The following LTBP1 variants were observed in gnomAD, a reference collection of about 807,000 sequenced individuals.
LTBP1 encodes the protein latent transforming growth factor beta binding protein 1, also known as latent-transforming growth factor beta-binding protein 1.
Under a neutral mutation model 207.6 loss-of-function variants are expected in LTBP1, and 129 were observed. The observed-to-expected ratio is 0.62, with a 90% confidence interval of 0.54 to 0.72. The LOEUF (loss-of-function observed/expected upper bound fraction) is 0.72, where lower values mean the gene tolerates loss of function less well. Ranked by LOEUF, LTBP1 falls within the 30% of genes least tolerant of loss-of-function variation. The pLI is 0.00. For missense variants in LTBP1, 2,281 were observed against 2,217.2 expected (o/e 1.03, Z -0.58); for synonymous variants, 963 against 833.7 (o/e 1.16, Z -2.67).
intron 5 of LTBP1, 152 bp from the exon 6 acceptor site, chr2:33,186,704 A>G (rs979675996): frequency 9.6e-6 from 6 of 622,434 alleles, no homozygotes; most frequent in African/African-American, 5.5e-5. Flanking sequence ...TACTTTTGGC[A>G]TAGCGAGTTT....
chr2:33,093,286 C>T (rs562587880), intron 3 of LTBP1, among the ~76,000 whole-genome samples: 5 of 152,152 alleles, frequency 3.3e-5, no homozygotes, highest in African/African-American at 9.6e-5. Context: ...TAAATGCAAA[C>T]GTCTTTGGCT....
chr2:33,275,078 A>G lies in LTBP1; in HGVS notation c.2857A>G (p.Thr953Ala), dbSNP rs778732304. ...AGGATTTATGGCCAGTGAGGAGGGTACTAACTGCATAGGTAATGGCAGCAT... is the reference window on the plus strand; with the variant it reads ...AGGATTTATGGCCAGTGAGGAGGGTGCTAACTGCATAGGTAATGGCAGCAT... ...PAGFMASEEG[T>A]NCIDVDECLR... The change falls in exon 17 of 34, where the codon ACT (threonine) becomes GCT (alanine). Residue 953 changes from threonine (T) to alanine (A), a missense_variant. Physicochemically the swap from Thr to Ala is moderately conservative, Grantham distance 58. This residue lies in a region of LTBP1 where 1,671 missense variants were observed against 1,634.8 expected (regional missense o/e 1.02). Coordinates refer to ENST00000404816, the MANE Select transcript of LTBP1 (RefSeq NM_206943.4). 8 of 1,613,954 alleles carry G rather than the reference A, an allele frequency of 5.0e-6. No homozygotes were observed. In the South Asian group the frequency reaches 8.8e-5, roughly 18 times the overall value.
intron 15 of LTBP1, 121 bp from the exon 16 acceptor site, chr2:33,273,535 A>G (rs1234747955): frequency 1.4e-5 from 9 of 646,434 alleles, no homozygotes; most frequent in Non-Finnish European, 2.0e-5. Flanking sequence ...TTTGTCTTCT[A>G]AATGTAGAGC....
At chr2:33,181,648 A>G (rs4670857) in intron 5 of LTBP1, among the ~76,000 whole-genome samples, 78,877 of 152,146 alleles carry the variant, frequency 0.52, 20,675 homozygotes, top group African/African-American at 0.53. Flanking sequence ...CCAGCAAAGT[A>G]TCAAGCTAAC....
In LTBP1 at chr2:33,156,807, T is replaced by C. The variant is rs2147984882; in HGVS notation, c.1201+21847T>C. On this transcript the variant is annotated intron_variant, in intron 5 of 33. Coordinates refer to ENST00000404816, the MANE Select transcript of LTBP1 (RefSeq NM_206943.4). Reference sequence around the variant, plus strand: ...CTTGAGTATATTAAACATCAAATATTATAAATTGATAGCATTGCCTAGTAC... The same window carrying C: ...CTTGAGTATATTAAACATCAAATATCATAAATTGATAGCATTGCCTAGTAC... Among the ~76,000 whole-genome samples, 3 of 152,300 alleles carry C rather than the reference T, an allele frequency of 2.0e-5. No homozygotes were observed. The South Asian group carries it at 6.2e-4, about 32-fold the overall frequency.
intron 7 of LTBP1, among the ~76,000 whole-genome samples, chr2:33,209,812 A>G (rs1040507028): frequency 5.9e-5 from 9 of 152,288 alleles, no homozygotes; most frequent in Non-Finnish European, 1.0e-4. Context: ...GAGATCTAAT[A>G]CAAGCCCAGT....
chr2:33,161,149 T>C (rs1364824849), intron 5 of LTBP1, among the ~76,000 whole-genome samples: 1 of 152,048 alleles, frequency 6.6e-6, no homozygotes, highest in Non-Finnish European at 1.5e-5. Flanking sequence ...ATTCACAGGA[T>C]GGCTATAAAG....
At chr2:33,315,718 T>G (rs547888458) in intron 24 of LTBP1, among the ~76,000 whole-genome samples, 9 of 152,148 alleles carry the variant, frequency 5.9e-5, no homozygotes, top group Non-Finnish European at 1.5e-5. Flanking sequence ...GGTGGATCAC[T>G]TGAGATCAGG....
intron 7 of LTBP1, among the ~76,000 whole-genome samples, chr2:33,194,077 C>G (rs1272610317): frequency 6.6e-6 from 1 of 152,114 alleles, no homozygotes; most frequent in Non-Finnish European, 1.5e-5. Context: ...AGGTCTGCCT[C>G]CCGGGTTCAC....
intron 15 of LTBP1, among the ~76,000 whole-genome samples, chr2:33,266,549 G>A (rs1378423471): frequency 1.3e-5 from 2 of 152,094 alleles, no homozygotes; most frequent in African/African-American, 4.8e-5. Flanking sequence ...CAATCAGATG[G>A]TGTTTTTCTA....
Position 33,012,390 on chromosome 2 carries a change from A to AT in LTBP1, c.566-8515dup, listed in dbSNP as rs1419945437. Among the ~76,000 whole-genome samples the AT allele has an allele frequency of 2.6e-5, 4 of 151,950 alleles. No individual in the cohort carries two copies. The East Asian group carries it at 7.7e-4, about 29-fold the overall frequency. On this transcript the variant is annotated intron_variant, in intron 2 of 33. Transcript: ENST00000404816. ...AGGAGGTGTGTAGTCACATTTTTTG[A>AT]TTTTCTCTCAGGCTCGGTAGTAGCT...
At chr2:33,064,576 T>C (rs929123070) in intron 3 of LTBP1, among the ~76,000 whole-genome samples, 11 of 152,200 alleles carry the variant, frequency 7.2e-5, no homozygotes, top group African/African-American at 2.7e-4. Context: ...AACCCTGAGC[T>C]TAGGAAATAC....
intron 3 of LTBP1, among the ~76,000 whole-genome samples, chr2:33,086,724 G>A: frequency 6.6e-6 from 1 of 151,768 alleles, no homozygotes; most frequent in East Asian, 1.9e-4. Context: ...TATCTCTACT[G>A]GCTTTGTTGG....
intron 4 of LTBP1, 126 bp downstream of exon 4, chr2:33,110,877 T>A (rs1490508954): frequency 1.1e-6 from 1 of 931,768 alleles, no homozygotes; most frequent in African/African-American, 1.7e-5. Context: ...AAAATCCACA[T>A]TGGTTCCTGA....
At chr2:33,170,283 A>C (rs940688729) in intron 5 of LTBP1, among the ~76,000 whole-genome samples, 2 of 152,178 alleles carry the variant, frequency 1.3e-5, no homozygotes, top group Non-Finnish European at 2.9e-5. Context: ...CACCTGGAAA[A>C]TCGGGTCACT....
Position 33,389,191 on chromosome 2 carries a change from T to C in LTBP1, c.4719T>C (p.Tyr1573=). 3 of 1,614,142 alleles carry C rather than the reference T, an allele frequency of 1.9e-6. No homozygotes were observed. The highest frequency in any genetic ancestry group is 2.5e-6 in the Non-Finnish European group (3 of 1,180,010). Residue 1573 remains tyrosine (Y), a synonymous_variant, in exon 32 of 34, where the codon TAT becomes TAC. Coordinates refer to ENST00000404816, the MANE Select transcript of LTBP1 (RefSeq NM_206943.4). ...TGCTTGTCTACTCCTTAGATGACTA[T>C]GCTCAGCTGTGTAACATCCCCGTGA... The part of the protein sequence containing the change: ...ALCPLKDSDD[Y]AQLCNIPVTG...
chr2:33,293,224 C>T lies in LTBP1; in HGVS notation c.3177C>T (p.Ser1059=). The change falls in exon 20 of 34, where the codon TCC becomes TCT. Residue 1059 remains serine, a synonymous_variant. Transcript: ENST00000404816. ...ANGDCSNLEG[S]YMCSCHKGYT... ...GTGATTGTTCCAACCTTGAAGGCTC[C>T]TACATGTGTTCATGCCACAAAGGCT... The T allele has an allele frequency of 6.2e-7, 1 of 1,614,098 alleles. No homozygotes were observed. Among genetic ancestry groups the T allele is most frequent in the Admixed American group, 1.7e-5 (1 of 60,018 alleles).
chr2:33,176,515 A>G (rs1319481227), intron 5 of LTBP1, among the ~76,000 whole-genome samples: 6 of 150,866 alleles, frequency 4.0e-5, no homozygotes, highest in African/African-American at 1.5e-4. Flanking sequence ...GTGAGCCACC[A>G]TGCCTGGCTG....
At chr2:32,993,493 A>G (rs1389300904) in intron 2 of LTBP1, among the ~76,000 whole-genome samples, 2 of 152,212 alleles carry the variant, frequency 1.3e-5, no homozygotes, top group Non-Finnish European at 1.5e-5. Flanking sequence ...TTTCCTCAGA[A>G]AGACCCTCAG....
Sources: allele counts gnomAD v4.1 joint callset (sites outside exome capture counted in the v4.1 genomes callset), GRCh38; gene constraint gnomAD v4.1.1; regional missense constraint gnomAD v4.1.1; transcripts MANE v1.5; gene names NCBI Gene and HGNC (gene_info 2026-07-23, HGNC 2026-07-21).